Variants in TMEM106B observed in about 807,000 individuals in gnomAD.
The protein encoded by TMEM106B is transmembrane protein 106B.
In TMEM106B, 15 loss-of-function variants were observed where a neutral mutation model predicts 31.1. The observed-to-expected ratio is 0.48, with a 90% CI of 0.32 to 0.74. TMEM106B has a LOEUF of 0.74. TMEM106B is among the 30% of genes least tolerant of loss of function. The pLI is 0.03. For missense variants in TMEM106B, 283 were observed against 327.3 expected, an observed-to-expected ratio of 0.86 and a Z score of 1.04; for synonymous variants, 126 against 112.5, an observed-to-expected ratio of 1.12 and a Z score of -0.76.
chr7:12,241,765 C>T lies in TMEM106B; in HGVS notation c.*9790C>T, dbSNP rs1457895602. On this transcript the variant is annotated 3_prime_UTR_variant, in exon 8 of 8. Coordinates refer to ENST00000396668, the MANE Select transcript of TMEM106B (RefSeq NM_001134232.2). ...GATTTATAATCTTTTGGGTATACAC[C>T]CAGTAATGGGATTGCTGGGTCAAAT... The T allele has an allele frequency of 6.6e-6, 1 of 152,006 alleles. No individual in the cohort carries two copies. The highest frequency in any genetic ancestry group is 2.4e-5 in the African/African-American group (1 of 41,346). 9.4% of individuals were successfully genotyped at this position (152,006 alleles called of 1,614,324 possible).
intron 6 of TMEM106B, 190 bp from the exon 7 acceptor site, chr7:12,230,872 A>G: frequency 2.2e-6 from 1 of 458,670 alleles, no homozygotes; most frequent in East Asian, 3.6e-5. Flanking sequence ...CTGCAGTGGC[A>G]TGAATACATA....
chr7:12,230,513 A>AT, intron 6 of TMEM106B, 75 bp downstream of exon 6: 1 of 1,026,298 alleles, frequency 9.7e-7, no homozygotes, highest in South Asian at 1.5e-5. Context: ...GAGTATACAT[A>AT]TTTTTTAATT....
chr7:12,233,415 G>GAAAC lies in TMEM106B; in HGVS notation c.*1442_*1445dup, dbSNP rs956808712. ...ACCCCTAAGTGCCTAACTTAGGTCT[G>GAAAC]AAACAGCCTGTTTATTAGTCTGACT... On this transcript the variant is annotated 3_prime_UTR_variant, in exon 8 of 8. Coordinates refer to ENST00000396668, the MANE Select transcript of TMEM106B (RefSeq NM_001134232.2). The GAAAC allele has an allele frequency of 3.3e-5, 5 of 151,488 alleles. No individual in the cohort carries two copies. Among genetic ancestry groups the GAAAC allele is most frequent in the Non-Finnish European group, 5.9e-5 (4 of 67,620 alleles). 9.4% of individuals were successfully genotyped at this position (151,488 alleles called of 1,614,324 possible).
intron 4 of TMEM106B, among the ~76,000 whole-genome samples, chr7:12,227,422 T>C (rs1191231118): frequency 6.6e-6 from 1 of 152,054 alleles, no homozygotes; most frequent in Non-Finnish European, 1.5e-5. Context: ...TTACGAACAA[T>C]GCATATACAT....
Position 12,232,734 on chromosome 7 carries a change from CT to C in TMEM106B, c.*762del, listed in dbSNP as rs986791086. On this transcript the variant is annotated 3_prime_UTR_variant, in exon 8 of 8. Coordinates refer to ENST00000396668, the MANE Select transcript of TMEM106B (RefSeq NM_001134232.2). ...TAAACTGTGCATGGCTTTTATACAG[CT>C]TTAGTAAATGTCAAATAAAGTGGTA... The C allele has an allele frequency of 2.6e-4, 40 of 152,350 alleles. No homozygotes were observed. Among genetic ancestry groups the C allele is most frequent in the African/African-American group, 9.4e-4 (39 of 41,520 alleles). 9.4% of individuals were successfully genotyped at this position (152,350 alleles called of 1,614,324 possible).
At chr7:12,217,598 A>C (rs1359975555) in intron 2 of TMEM106B, among the ~76,000 whole-genome samples, 1 of 152,208 alleles carries the variant, frequency 6.6e-6, no homozygotes, top group East Asian at 1.9e-4. Context: ...TTGTAGTTTT[A>C]GCCAGATGAA....
rs1296502033 is a variant in TMEM106B, at chr7:12,240,538, T to C, written c.*8563T>C. On this transcript the variant is annotated 3_prime_UTR_variant, in exon 8 of 8. Coordinates refer to ENST00000396668, the MANE Select transcript of TMEM106B (RefSeq NM_001134232.2). Reference sequence around the variant, plus strand: ...TTGTATGAGGTAGTATGATTTGAAATTAGATGGAATGTGCCCAAAATTATC... The same window carrying C: ...TTGTATGAGGTAGTATGATTTGAAACTAGATGGAATGTGCCCAAAATTATC... 1 of 152,120 alleles carries C rather than the reference T, an allele frequency of 6.6e-6. No homozygotes were observed. Among genetic ancestry groups the C allele is most frequent in the Non-Finnish European group, 1.5e-5 (1 of 68,028 alleles). 9.4% of individuals were successfully genotyped at this position (152,120 alleles called of 1,614,324 possible). A position where few individuals can be genotyped will look rare whatever the true frequency, so the allele number is the denominator to read the frequency against.
In TMEM106B at chr7:12,232,179, T is replaced by C. The variant is rs564988618; in HGVS notation, c.*204T>C. 1 of 391,770 alleles carries C rather than the reference T, an allele frequency of 2.6e-6. No individual in the cohort carries two copies. 24.3% of individuals were successfully genotyped at this position (391,770 alleles called of 1,614,324 possible). A position where few individuals can be genotyped will look rare whatever the true frequency, so the allele number is the denominator to read the frequency against. On this transcript the variant is annotated 3_prime_UTR_variant, in exon 8 of 8. Coordinates refer to ENST00000396668, the MANE Select transcript of TMEM106B (RefSeq NM_001134232.2). ...ATATATTTGTACTAGGATCTTTTACTTGAATCTAAATTTACTGGTTGATTT... is the reference window on the plus strand; with the variant it reads ...ATATATTTGTACTAGGATCTTTTACCTGAATCTAAATTTACTGGTTGATTT...
intron 4 of TMEM106B, among the ~76,000 whole-genome samples, 172 bp from the exon 5 acceptor site, chr7:12,229,507 A>G (rs1010946377): frequency 6.6e-6 from 1 of 152,200 alleles, no homozygotes; most frequent in African/African-American, 2.4e-5. Flanking sequence ...TATTACATAC[A>G]TAGTACTCGT....
At position 12,241,028 on chromosome 7, in the gene TMEM106B, T is replaced by C. The variant is rs1247290008; in HGVS notation, c.*9053T>C. On this transcript the variant is annotated 3_prime_UTR_variant, in exon 8 of 8. Transcript: ENST00000396668. ...GAAAATGACAATAGACAAATGTAAT[T>C]TCTGATTTTTAAGAAATGATTTTCC... is the stretch of plus-strand genomic sequence containing the variant. 1 of 152,182 alleles carries C rather than the reference T, an allele frequency of 6.6e-6. No individual in the cohort carries two copies. The highest frequency in any genetic ancestry group is 1.5e-5 in the Non-Finnish European group (1 of 68,034). The allele number at this position is 152,182 out of a possible 1,614,324, so 9.4% of individuals were successfully genotyped here. A position where few individuals can be genotyped will look rare whatever the true frequency, so the allele number is the denominator to read the frequency against.
chr7:12,231,601 T>G (rs1341855755), intron 7 of TMEM106B: 5 of 354,960 alleles, frequency 1.4e-5, no homozygotes, highest in Non-Finnish European at 2.5e-5. Context: ...CAGAAGATAA[T>G]TGTTTTAAAA....
rs1782030410 is a variant in TMEM106B, at chr7:12,231,837, A to G, written c.687A>G (p.Gln229=). The G allele has an allele frequency of 1.9e-6, 3 of 1,594,454 alleles. No homozygotes were observed. In the South Asian group the frequency reaches 3.4e-5, roughly 18 times the overall value. ...IKVHNIVLMM[Q]VTVTTTYFGH... ...CTCTCCTCACTTACATTATTTTTAG[A>G]GTTACTGTGACAACAACATACTTTG... The change falls in exon 8 of 8, where the codon CAA becomes CAG. Residue 229 remains glutamine (Q), a splice_region_variant and synonymous_variant. Coordinates refer to ENST00000396668, the MANE Select transcript of TMEM106B (RefSeq NM_001134232.2).
chr7:12,230,076 A>T (rs1211757424), intron 5 of TMEM106B, among the ~76,000 whole-genome samples: 26 of 151,650 alleles, frequency 1.7e-4, no homozygotes, highest in Admixed American at 1.7e-3. Context: ...AAATGTGCTG[A>T]GTGTGGTAGT....
chr7:12,225,502 C>G (rs1781882969), intron 4 of TMEM106B, among the ~76,000 whole-genome samples: 1 of 152,172 alleles, frequency 6.6e-6, no homozygotes, highest in South Asian at 2.1e-4. Flanking sequence ...AAAAGTGTTC[C>G]TATTTCTCCA....
intron 1 of TMEM106B, among the ~76,000 whole-genome samples, chr7:12,212,055 A>G (rs1781589804): frequency 6.6e-6 from 1 of 152,174 alleles, no homozygotes; most frequent in Non-Finnish European, 1.5e-5. Flanking sequence ...TCAGTTCTCT[A>G]AGGAAAATCT....
At chr7:12,213,552 T>C (rs6974465) in intron 1 of TMEM106B, among the ~76,000 whole-genome samples, 95,470 of 152,040 alleles carry the variant, frequency 0.63, 30,823 homozygotes, top group African/African-American at 0.79. Context: ...TTATTTTATT[T>C]TAAGAAAAAT....
In TMEM106B at chr7:12,234,066, C is replaced by T. The variant is rs1273015510; in HGVS notation, c.*2091C>T. 6.6e-6 allele frequency: 1 copy of T among 151,740 alleles called. No homozygotes were observed. Among genetic ancestry groups the T allele is most frequent in the East Asian group, 1.9e-4 (1 of 5,192 alleles). 9.4% of individuals were successfully genotyped at this position (151,740 alleles called of 1,614,324 possible). On this transcript the variant is annotated 3_prime_UTR_variant, in exon 8 of 8. Coordinates refer to ENST00000396668, the MANE Select transcript of TMEM106B (RefSeq NM_001134232.2). ...CCATCCTGTCCTCATGTCCCATTTA[C>T]TTTATTATCACCATTCATTTCTTCA... is the stretch of plus-strand genomic sequence containing the variant.
intron 1 of TMEM106B, among the ~76,000 whole-genome samples, chr7:12,212,612 T>A (rs151279044): frequency 1.2e-3 from 179 of 152,270 alleles, no homozygotes; most frequent in African/African-American, 4.0e-3. Flanking sequence ...GCGAATTTTA[T>A]TTATTTTTTT....
rs559314797 is a variant in TMEM106B, at chr7:12,240,892, T to G, written c.*8917T>G. Reference sequence around the variant, plus strand: ...TAGAGGGTAGTGTACAGTCACTTCTTCAGTGATAACTTACTGAGTGTGATT... The same window carrying G: ...TAGAGGGTAGTGTACAGTCACTTCTGCAGTGATAACTTACTGAGTGTGATT... On this transcript the variant is annotated 3_prime_UTR_variant, in exon 8 of 8. Coordinates refer to ENST00000396668, the MANE Select transcript of TMEM106B (RefSeq NM_001134232.2). 55 of 152,320 alleles carry G rather than the reference T, an allele frequency of 3.6e-4. No individual in the cohort carries two copies. The highest frequency in any genetic ancestry group is 1.3e-3 in the African/African-American group (54 of 41,574). 9.4% of individuals were successfully genotyped at this position (152,320 alleles called of 1,614,324 possible).
Sources: allele counts gnomAD v4.1 joint callset (sites outside exome capture counted in the v4.1 genomes callset), GRCh38; gene constraint gnomAD v4.1.1; transcripts MANE v1.5; gene names NCBI Gene and HGNC (gene_info 2026-07-23, HGNC 2026-07-21).